The following OR7A10 variants were observed in gnomAD, a reference collection of about 807,000 sequenced individuals.
OR7A10 encodes the protein olfactory receptor family 7 subfamily A member 10, also known as olfactory receptor 7A10.
For synonymous variants in OR7A10, 144 were observed against 144.5 expected (o/e 1.00, Z 0.02); for missense variants, 358 against 370.1 (o/e 0.97, Z 0.27).
At position 14,841,038 on chromosome 19, in the gene OR7A10, C is replaced by T. The variant is rs547817579; in HGVS notation, c.840G>A (p.Val280=). 1 of 1,614,054 alleles carries T rather than the reference C, an allele frequency of 6.2e-7. No homozygotes were observed. Among genetic ancestry groups the T allele is most frequent in the African/African-American group, 1.3e-5 (1 of 75,008 alleles). The change falls in exon 2 of 2, where the codon GTG becomes GTA. Residue 280 remains valine (V), a synonymous_variant. Transcript: ENST00000641129. ...TGAAASVMYT[V]VTPMLNPFIY... ...TGAAGGGGTTCAGCATGGGGGTGAC[C>T]ACAGTGTACATCACTGAGGCTGCAG... is the stretch of plus-strand genomic sequence containing the variant.
In OR7A10 at chr19:14,841,411, G is replaced by A; in HGVS notation, c.467C>T (p.Ser156Phe). Residue 156 changes from serine (S) to phenylalanine (F), a missense_variant, in exon 2 of 2, where the codon TCC (serine) becomes TTC (phenylalanine). By Grantham distance (155) the Ser-to-Phe change is radical. Coordinates refer to ENST00000641129, the MANE Select transcript of OR7A10 (RefSeq NM_001005190.2). ...LASWIMSVLNSMLQSLMVLPL... is the reference protein window; with the variant it reads ...LASWIMSVLNFMLQSLMVLPL... Reference sequence around the variant, plus strand: ...CAACACCATTAAGCTTTGTAACATGGAATTCAGAACACTCATGATCCAGGA... The same window carrying A: ...CAACACCATTAAGCTTTGTAACATGAAATTCAGAACACTCATGATCCAGGA... 2 of 1,614,152 alleles carry A rather than the reference G, an allele frequency of 1.2e-6. No individual in the cohort carries two copies. The highest frequency in any genetic ancestry group is 1.7e-6 in the Non-Finnish European group (2 of 1,180,000).
chr19:14,844,403 T>C (rs1440008736), intron 1 of OR7A10, among the ~76,000 whole-genome samples: 2 of 152,148 alleles, frequency 1.3e-5, no homozygotes, highest in African/African-American at 4.8e-5. Context: ...TGAAAGACGC[T>C]GAGGAATGTG....
chr19:14,846,085 C>T (rs373815605), intron 1 of OR7A10, among the ~76,000 whole-genome samples: 14 of 151,804 alleles, frequency 9.2e-5, no homozygotes, highest in Non-Finnish European at 1.9e-4. Context: ...ACCCGGGAGG[C>T]GGAGGTTGCA....
chr19:14,841,219 T>A lies in OR7A10; in HGVS notation c.659A>T (p.Lys220Met), dbSNP rs1347846048. The A allele has an allele frequency of 2.5e-6, 4 of 1,614,106 alleles. No individual in the cohort carries two copies. In the South Asian group the frequency reaches 3.3e-5, roughly 13 times the overall value. Residue 220 changes from lysine to methionine, a missense_variant, in exon 2 of 2, where the codon AAG (lysine) becomes ATG (methionine). Physicochemically the swap from Lys to Met is moderately conservative, Grantham distance 95 (BLOSUM62 -1). Coordinates refer to ENST00000641129, the MANE Select transcript of OR7A10 (RefSeq NM_001005190.2). Reference sequence around the variant, plus strand: ...GATTGCACGTATGGAGGAAACTATCTTAGAGTAAGAGTACAGGATCCCAGT... The same window carrying A: ...GATTGCACGTATGGAGGAAACTATCATAGAGTAAGAGTACAGGATCCCAGT... ...PLTGILYSYS[K>M]IVSSIRAISS...
At chr19:14,842,188 G>C (rs73506450) in intron 1 of OR7A10, among the ~76,000 whole-genome samples, 143 of 152,262 alleles carry the variant, frequency 9.4e-4, no homozygotes, top group African/African-American at 3.4e-3. Flanking sequence ...ACCATAGTAC[G>C]TAATAGGTGT....
chr19:14,845,827 T>C (rs1381286644), intron 1 of OR7A10, among the ~76,000 whole-genome samples: 1 of 152,210 alleles, frequency 6.6e-6, no homozygotes, highest in African/African-American at 2.4e-5. Flanking sequence ...AAGCCAAATA[T>C]GTCATTGCTC....
chr19:14,841,388 ACACCATTAAG>A lies in OR7A10; in HGVS notation c.480_489del (p.Leu161CysfsTer34). 2 of 1,614,180 alleles carry A rather than the reference ACACCATTAAG, an allele frequency of 1.2e-6. No homozygotes were observed. Among genetic ancestry groups the A allele is most frequent in the Non-Finnish European group, 1.7e-6 (2 of 1,180,036 alleles). On this transcript the variant is annotated frameshift_variant, in exon 2 of 2. Transcript: ENST00000641129. LOFTEE classifies it low-confidence loss of function (END_TRUNC). Reference sequence around the variant, plus strand: ...ATGTGTGTACAAAAGGGCAGTGGCAACACCATTAAGCTTTGTAACATGGAATTCAGAACAC... The same window carrying A: ...ATGTGTGTACAAAAGGGCAGTGGCAACTTTGTAACATGGAATTCAGAACAC...
Position 14,845,007 on chromosome 19 carries a change from GT to G in OR7A10, c.-12-3119del, listed in dbSNP as rs548691180. 6.6e-5 allele frequency among the ~76,000 whole-genome samples: 10 copies of G among 150,886 alleles called. No individual in the cohort carries two copies. In the South Asian group the frequency reaches 2.1e-3, roughly 32 times the overall value. ...ACAAGTTGCCTTTTGGAATATATTG[GT>G]CCCAGGTTCTTTTTCTCTGAAAATT... On this transcript the variant is annotated intron_variant, in intron 1 of 1. Transcript: ENST00000641129.
At position 14,841,240 on chromosome 19, in the gene OR7A10, C is replaced by T; in HGVS notation, c.638G>A (p.Gly213Glu). The change falls in exon 2 of 2, where the codon GGG (glycine) becomes GAG (glutamate). Residue 213 changes from glycine (G) to glutamate (E), a missense_variant. Transcript: ENST00000641129. ...VALLGGGPLT[G>E]ILYSYSKIVS... Reference sequence around the variant, plus strand: ...TATCTTAGAGTAAGAGTACAGGATCCCAGTGAGGGGACCACCGCCCAGCAG... The same window carrying T: ...TATCTTAGAGTAAGAGTACAGGATCTCAGTGAGGGGACCACCGCCCAGCAG... The T allele has an allele frequency of 6.2e-7, 1 of 1,614,078 alleles. No individual in the cohort carries two copies. Among genetic ancestry groups the T allele is most frequent in the Non-Finnish European group, 8.5e-7 (1 of 1,180,028 alleles).
chr19:14,842,989 A>G (rs901010152), intron 1 of OR7A10, among the ~76,000 whole-genome samples: 4 of 152,224 alleles, frequency 2.6e-5, no homozygotes, highest in African/African-American at 9.6e-5. Context: ...TTAACAAGCA[A>G]AAAACAAACA....
At position 14,841,894 on chromosome 19, in the gene OR7A10, C is replaced by CAGAGAGAGAGAGAGAG. The variant is rs141373725; in HGVS notation, c.-12-21_-12-6dup. The stretch of plus-strand genomic sequence containing the variant: ...TGATTTCATCTTGTGATGTGACTAC[C>CAGAGAGAGAGAGAGAG]AGAGAGAGAGAGAGAGAGAGAGAGA... On this transcript the variant is annotated splice_polypyrimidine_tract_variant and splice_region_variant and intron_variant, in intron 1 of 1. Coordinates refer to ENST00000641129, the MANE Select transcript of OR7A10 (RefSeq NM_001005190.2). The CAGAGAGAGAGAGAGAG allele has an allele frequency of 2.6e-4, 343 of 1,295,902 alleles. 2 individuals carry two copies. The South Asian group carries it at 4.3e-3, about 16-fold the overall frequency. 80.3% of individuals were successfully genotyped at this position (1,295,902 alleles called of 1,614,324 possible). A position where few individuals can be genotyped will look rare whatever the true frequency, so the allele number is the denominator to read the frequency against.
At chr19:14,845,850 G>C (rs1285866047) in intron 1 of OR7A10, among the ~76,000 whole-genome samples, 1 of 152,110 alleles carries the variant, frequency 6.6e-6, no homozygotes, top group East Asian at 1.9e-4. Context: ...TGTCCCCTGG[G>C]GGACAAAATC....
chr19:14,846,908 G>A (rs1374318597), intron 1 of OR7A10, among the ~76,000 whole-genome samples: 1 of 152,036 alleles, frequency 6.6e-6, no homozygotes, highest in East Asian at 1.9e-4. Flanking sequence ...TATATAGAAG[G>A]TGATTTATTC....
chr19:14,841,708 G>A lies in OR7A10; in HGVS notation c.170C>T (p.Thr57Ile), dbSNP rs758437168. 1 of 1,614,064 alleles carries A rather than the reference G, an allele frequency of 6.2e-7. No homozygotes were observed. Among genetic ancestry groups the A allele is most frequent in the Non-Finnish European group, 8.5e-7 (1 of 1,180,052 alleles). ...GTTGGAGAGGAAGAAGTACATGGGG[G>A]TGTGGAGGTGGGAGTCTGAGATTGT... ...LATISDSHLH[T>I]PMYFFLSNLS... Residue 57 changes from threonine to isoleucine, a missense_variant, in exon 2 of 2, where the codon ACC becomes ATC. Transcript: ENST00000641129.
At chr19:14,843,041 AG>A (rs1312880360) in intron 1 of OR7A10, among the ~76,000 whole-genome samples, 1 of 152,248 alleles carries the variant, frequency 6.6e-6, no homozygotes, top group Non-Finnish European at 1.5e-5. Context: ...CAGACACTTC[AG>A]GAAAAGACAT....
At chr19:14,845,206 G>C (rs1288559067) in intron 1 of OR7A10, among the ~76,000 whole-genome samples, 1 of 151,956 alleles carries the variant, frequency 6.6e-6, no homozygotes, top group African/African-American at 2.4e-5. Context: ...CAGGCACGGT[G>C]GCTCACGCCT....
chr19:14,845,249 C>T (rs139400060), intron 1 of OR7A10, among the ~76,000 whole-genome samples: 42 of 151,310 alleles, frequency 2.8e-4, no homozygotes, highest in African/African-American at 7.5e-4. Context: ...CTGAGGCAGG[C>T]GGACCGCCTG....
intron 1 of OR7A10, 39 bp from the exon 2 acceptor site, chr19:14,841,928 G>T: frequency 7.9e-7 from 1 of 1,263,138 alleles, no homozygotes; most frequent in Non-Finnish European, 1.1e-6. Flanking sequence ...GAGAGTGAAA[G>T]AACATGAAAC....
At chr19:14,842,002 T>C (rs559893255) in intron 1 of OR7A10, 113 bp from the exon 2 acceptor site, 1 of 658,340 alleles carries the variant, frequency 1.5e-6, no homozygotes, top group Non-Finnish European at 2.5e-6. Flanking sequence ...GAAGTTAATA[T>C]CTTTTTCTTA....
Sources: gnomAD v4.1 joint callset for allele counts (sites outside exome capture counted in the v4.1 genomes callset) on GRCh38, gnomAD v4.1.1 for gene constraint, MANE v1.5 for transcripts, NCBI Gene and HGNC (gene_info 2026-07-23, HGNC 2026-07-21) for gene names.